RFX7: variants seen among roughly 807,000 people sequenced by gnomAD.
RFX7 encodes the protein DNA-binding protein RFX7.
A neutral mutation model predicts 111.8 loss-of-function variants in RFX7; 26 were observed. The ratio of observed to expected loss-of-function variants is 0.23; its 90% CI spans 0.17 to 0.32. The LOEUF (loss-of-function observed/expected upper bound fraction) is 0.32. Among genes scored for constraint, RFX7 ranks in the 10% least tolerant of loss-of-function variants. The pLI is 1.00. For synonymous variants in RFX7, 624 were observed against 624.4 expected, an observed-to-expected ratio of 1.00 and a Z score of 0.01; for missense variants, 1,573 against 1,772.9, an observed-to-expected ratio of 0.89 and a Z score of 2.02.
intron 3 of RFX7, among the ~76,000 whole-genome samples, chr15:56,177,037 C>T (rs1343378894): frequency 1.3e-5 from 2 of 152,026 alleles, no homozygotes; most frequent in Non-Finnish European, 2.9e-5. Context: ...ATATGTAATA[C>T]ATGAACTACT....
chr15:56,153,650 A>G (rs2042607967), intron 3 of RFX7, among the ~76,000 whole-genome samples: 1 of 152,224 alleles, frequency 6.6e-6, no homozygotes, highest in Non-Finnish European at 1.5e-5. Flanking sequence ...TCTCAAAATA[A>G]TAAGAGCTAT....
chr15:56,096,871 G>T (rs1027675653), intron 9 of RFX7, among the ~76,000 whole-genome samples: 1 of 152,126 alleles, frequency 6.6e-6, no homozygotes, highest in African/African-American at 2.4e-5. Context: ...AAGACTAAAA[G>T]CTTCACACCT....
At position 56,098,193 on chromosome 15, in the gene RFX7, T is replaced by A; in HGVS notation, c.995A>T (p.Lys332Met). ...SPLPGESAAK[K>M]SESATSNGVT... is the part of the protein sequence containing the mutation. ...TCCATTGCTTGTAGCACTTTCTGAC[T>A]TTTTTGCTGCAGATTCTCCTGGCAA... Residue 332 changes from lysine (K) to methionine (M), a missense_variant, in exon 9 of 10, where the codon AAG (lysine) becomes ATG (methionine). Lys to Met is a moderately conservative substitution (Grantham distance 95, BLOSUM62 -1). Around this residue, in one of 7 missense-constraint regions of RFX7, gnomAD observed 288 missense variants for 337.9 expected, o/e 0.85. Transcript: ENST00000559447. 6.2e-7 allele frequency: 1 copy of A among 1,613,984 alleles called. No homozygotes were observed. The highest frequency in any genetic ancestry group is 8.5e-7 in the Non-Finnish European group (1 of 1,179,844).
At chr15:56,208,730 C>A (rs1489891407) in intron 2 of RFX7, among the ~76,000 whole-genome samples, 2 of 151,994 alleles carry the variant, frequency 1.3e-5, no homozygotes, top group African/African-American at 4.8e-5. Flanking sequence ...AAAGAAATGT[C>A]AAGAGATTAG....
intron 5 of RFX7, among the ~76,000 whole-genome samples, chr15:56,141,673 A>ATATATATATATATG (rs2042399826): frequency 7.4e-6 from 1 of 135,920 alleles, no homozygotes; most frequent in Non-Finnish European, 1.6e-5. Context: ...ATATATATAT[A>ATATATATATATATG]TATGCATATA....
At chr15:56,218,178 G>T (rs2043384656) in intron 2 of RFX7, among the ~76,000 whole-genome samples, 2 of 116,966 alleles carry the variant, frequency 1.7e-5, no homozygotes, top group African/African-American at 3.7e-5. Context: ...TTTTGAGACG[G>T]AGTCTTGCTC....
At position 56,094,854 on chromosome 15, in the gene RFX7, TGGAGTA is replaced by T. The variant is rs781310711; in HGVS notation, c.2868_2873del (p.Pro964_Thr965del). On this transcript the variant is annotated inframe_deletion, in exon 10 of 10. Transcript: ENST00000559447. The stretch of plus-strand genomic sequence containing the variant: ...CAGATGTCGGGGTTGGGGTTGGGGT[TGGAGTA>T]GGAGTGGGTGTGGGTGTGGGTGTGG... The T allele has an allele frequency of 6.4e-7, 1 of 1,554,882 alleles. No individual in the cohort carries two copies. The highest frequency in any genetic ancestry group is 8.7e-7 in the Non-Finnish European group (1 of 1,149,586).
intron 5 of RFX7, among the ~76,000 whole-genome samples, chr15:56,130,015 T>C (rs529669113): frequency 3.9e-4 from 59 of 152,322 alleles, no homozygotes; most frequent in African/African-American, 1.3e-3. Context: ...ATTAATTTTA[T>C]TGAAACTCTA....
At chr15:56,219,511 C>T (rs867188654) in intron 2 of RFX7, among the ~76,000 whole-genome samples, 1 of 152,100 alleles carries the variant, frequency 6.6e-6, no homozygotes, top group African/African-American at 2.4e-5. Context: ...GCTTTTTTAA[C>T]CCTTACCCTC....
At chr15:56,202,935 A>G (rs528381135) in intron 2 of RFX7, among the ~76,000 whole-genome samples, 110 of 152,364 alleles carry the variant, frequency 7.2e-4, no homozygotes, top group South Asian at 3.7e-3. Flanking sequence ...TCTCTTGGGT[A>G]GAGTGCCATC....
intron 2 of RFX7, among the ~76,000 whole-genome samples, chr15:56,233,681 G>C (rs942314729): frequency 6.6e-6 from 1 of 152,174 alleles, no homozygotes; most frequent in Admixed American, 6.5e-5. Context: ...AATGAAATGA[G>C]AGTAAATGAA....
intron 5 of RFX7, among the ~76,000 whole-genome samples, chr15:56,133,459 A>G (rs1451136750): frequency 6.6e-6 from 1 of 152,130 alleles, no homozygotes. Flanking sequence ...CACAACAGGA[A>G]TAACTTAAAA....
chr15:56,217,588 T>C (rs1438787892), intron 2 of RFX7, among the ~76,000 whole-genome samples: 1 of 152,208 alleles, frequency 6.6e-6, no homozygotes, highest in Non-Finnish European at 1.5e-5. Flanking sequence ...CTTTATAGAC[T>C]TTATATCCTT....
chr15:56,094,411 G>A lies in RFX7; in HGVS notation c.3317C>T (p.Ser1106Phe), dbSNP rs755519778. Reference sequence around the variant, plus strand: ...ATGATGTCTGGATTGAGACTGATAAGACTGTCCAGGCACAGCAAAAGCATG... The same window carrying A: ...ATGATGTCTGGATTGAGACTGATAAAACTGTCCAGGCACAGCAAAAGCATG... Reference protein sequence around the residue: ...KPHAFAVPGQSYQSQSRHHDT... With the variant: ...KPHAFAVPGQFYQSQSRHHDT... Residue 1106 changes from serine to phenylalanine, a missense_variant, in exon 10 of 10, where the codon TCT becomes TTT. By Grantham distance (155) the Ser-to-Phe change is radical. Around this residue, in one of 7 missense-constraint regions of RFX7, gnomAD observed 411 missense variants for 478.1 expected, o/e 0.86. Coordinates refer to ENST00000559447, the MANE Select transcript of RFX7 (RefSeq NM_022841.7). 8 of 1,613,970 alleles carry A rather than the reference G, an allele frequency of 5.0e-6. No homozygotes were observed. The highest frequency in any genetic ancestry group is 6.8e-6 in the Non-Finnish European group (8 of 1,179,872).
At position 56,087,957 on chromosome 15, in the gene RFX7, TA is replaced by T; in HGVS notation, c.*5387del. On this transcript the variant is annotated 3_prime_UTR_variant, in exon 10 of 10. Coordinates refer to ENST00000559447, the MANE Select transcript of RFX7 (RefSeq NM_022841.7). ...TGTGTGGAAAACAAAATTTTGTTTT[TA>T]AATCTTCATTCTCCTAATACATCAG... is the stretch of plus-strand genomic sequence containing the variant. 1 of 357,918 alleles carries T rather than the reference TA, an allele frequency of 2.8e-6. No homozygotes were observed. The allele number at this position is 357,918 out of a possible 1,614,324, so 22.2% of individuals were successfully genotyped here. A position where few individuals can be genotyped will look rare whatever the true frequency, so the allele number is the denominator to read the frequency against.
intron 3 of RFX7, among the ~76,000 whole-genome samples, chr15:56,146,126 C>G (rs1402439750): frequency 6.6e-6 from 1 of 151,992 alleles, no homozygotes; most frequent in Admixed American, 6.6e-5. Flanking sequence ...TTAAGAGAGT[C>G]TCACTCTGTT....
chr15:56,122,880 G>A (rs2042096320), intron 5 of RFX7, among the ~76,000 whole-genome samples: 1 of 152,116 alleles, frequency 6.6e-6, no homozygotes, highest in Admixed American at 6.5e-5. Flanking sequence ...TCTCCAGTCA[G>A]CCTGTGGTGA....
intron 2 of RFX7, among the ~76,000 whole-genome samples, chr15:56,212,709 C>G (rs2043325102): frequency 6.6e-6 from 1 of 151,912 alleles, no homozygotes; most frequent in Non-Finnish European, 1.5e-5. Flanking sequence ...TTAAAGAAGA[C>G]AAGCTTTAGT....
intron 2 of RFX7, among the ~76,000 whole-genome samples, chr15:56,186,773 T>G (rs566854384): frequency 6.6e-6 from 1 of 152,256 alleles, no homozygotes. Context: ...TTTTGAAAAC[T>G]TCCCCCAAAT....
Sources: allele counts gnomAD v4.1 joint callset (sites outside exome capture counted in the v4.1 genomes callset), GRCh38; gene constraint gnomAD v4.1.1; regional missense constraint gnomAD v4.1.1; transcripts MANE v1.5; gene names NCBI Gene and HGNC (gene_info 2026-07-23, HGNC 2026-07-21).